Variants in ZAP70 observed in about 807,000 individuals in gnomAD.
ZAP70 encodes tyrosine-protein kinase ZAP-70.
A neutral mutation model predicts 65.8 loss-of-function variants in ZAP70; 27 were observed. The observed-to-expected ratio is 0.41, with a 90% CI of 0.30 to 0.57. The LOEUF is 0.57. Ranked by LOEUF, ZAP70 falls within the 20% of genes least tolerant of loss-of-function variation. The pLI is 0.28. For synonymous variants in ZAP70, 363 were observed against 360.8 expected (o/e 1.01, Z -0.07); for missense variants, 696 against 870.5 (o/e 0.80, Z 2.52).
At chr2:97,718,282 C>T (rs534120539) in intron 2 of ZAP70, among the ~76,000 whole-genome samples, 7 of 152,146 alleles carry the variant, frequency 4.6e-5, no homozygotes, top group Admixed American at 6.5e-5. Context: ...GGGGTCACCC[C>T]GGGGAGCTCT....
intron 13 of ZAP70, among the ~76,000 whole-genome samples, chr2:97,738,905 C>T (rs1410310277): frequency 2.0e-5 from 3 of 152,246 alleles, no homozygotes; most frequent in African/African-American, 4.8e-5. Flanking sequence ...TGCACAGTAC[C>T]GTTAATACTG....
rs200706800 is a variant in ZAP70, at chr2:97,713,691, G to A, written c.-101+17G>A. On this transcript the variant is annotated intron_variant, in intron 1 of 13. Transcript: ENST00000264972. ...GGCATTCAGGTAAGCGGCTGTCCTC[G>A]GGCCTTCTGCCTGTGTCCTGCCACC... 1 of 152,376 alleles carries A rather than the reference G, an allele frequency of 6.6e-6. No homozygotes were observed. Among genetic ancestry groups the A allele is most frequent in the Non-Finnish European group, 1.5e-5 (1 of 68,180 alleles). 9.4% of individuals were successfully genotyped at this position (152,376 alleles called of 1,614,324 possible).
chr2:97,733,541 T>C lies in ZAP70; in HGVS notation c.838-3T>C. On this transcript the variant is annotated splice_polypyrimidine_tract_variant and splice_region_variant and intron_variant, in intron 7 of 13. Coordinates refer to ENST00000264972, the MANE Select transcript of ZAP70 (RefSeq NM_001079.4). ...CAGGCCTTGCTGACCCTGTGGCCTT[T>C]AGCCTCAGAGACGAATCGACACCCT... is the stretch of plus-strand genomic sequence containing the variant. 6.2e-7 allele frequency: 1 copy of C among 1,613,618 alleles called. No homozygotes were observed. The highest frequency in any genetic ancestry group is 8.5e-7 in the Non-Finnish European group (1 of 1,179,946).
chr2:97,732,715 C>A, intron 4 of ZAP70, 168 bp from the exon 5 acceptor site: 1 of 948,464 alleles, frequency 1.1e-6, no homozygotes, highest in Non-Finnish European at 1.6e-6. Flanking sequence ...GGCCCATCAT[C>A]AGCAGATCTG....
chr2:97,755,817 G>C, the ZAP70 span, among the ~76,000 whole-genome samples: 1 of 152,192 alleles, frequency 6.6e-6, no homozygotes, highest in Admixed American at 6.5e-5. Flanking sequence ...GCTGGTAAAG[G>C]TTGGCCAGTG....
At chr2:97,755,472 C>T in the ZAP70 span, among the ~76,000 whole-genome samples, 3 of 152,176 alleles carry the variant, frequency 2.0e-5, no homozygotes, top group Non-Finnish European at 4.4e-5. Flanking sequence ...TGCTTTCCAT[C>T]CAGCCTGGCT....
At chr2:97,739,033 G>GAGCATC (rs1463127812) in intron 13 of ZAP70, among the ~76,000 whole-genome samples, 1 of 152,122 alleles carries the variant, frequency 6.6e-6, no homozygotes, top group Non-Finnish European at 1.5e-5. Flanking sequence ...TGCATGCACA[G>GAGCATC]AGCATCAGCT....
intron 2 of ZAP70, among the ~76,000 whole-genome samples, chr2:97,720,540 C>T (rs764897819): frequency 5.3e-5 from 8 of 152,122 alleles, no homozygotes; most frequent in Non-Finnish European, 7.4e-5. Flanking sequence ...TTAATGGAGA[C>T]GGGGTTTCAC....
At chr2:97,741,431 G>C (rs1020491407), downstream of ZAP70, among the ~76,000 whole-genome samples, 6 of 151,706 alleles carry the variant, frequency 4.0e-5, no homozygotes, top group South Asian at 1.3e-3. Flanking sequence ...AAAGCTCCCC[G>C]TCCCCCGGGG....
At chr2:97,734,237 A>G (rs1677745414) in intron 8 of ZAP70, 1 of 763,218 alleles carries the variant, frequency 1.3e-6, no homozygotes, top group Non-Finnish European at 1.9e-6. Flanking sequence ...GAATGCACAC[A>G]CATGCACACC....
downstream of ZAP70, among the ~76,000 whole-genome samples, chr2:97,742,242 C>T (rs563388013): frequency 1.1e-3 from 172 of 152,352 alleles, 1 homozygote; most frequent in African/African-American, 3.9e-3. Context: ...ACCAGGTCCA[C>T]GGCTTCCTAG....
chr2:97,721,721 G>A (rs948766023), intron 2 of ZAP70, among the ~76,000 whole-genome samples: 11 of 147,492 alleles, frequency 7.5e-5, no homozygotes, highest in East Asian at 6.2e-4. Flanking sequence ...GTGAGCCACC[G>A]CAGCCGGCCA....
In ZAP70 at chr2:97,736,797, C is replaced by T. The variant is rs1454827521; in HGVS notation, c.1290-676C>T. On this transcript the variant is annotated intron_variant, in intron 10 of 13. Coordinates refer to ENST00000264972, the MANE Select transcript of ZAP70 (RefSeq NM_001079.4). This position sits in a 1 kb window ranked among gnomAD's most constrained non-coding sequence, Gnocchi z 4.0. Reference sequence around the variant, plus strand: ...TGCGGGCAGGGAGGGGATGAGCAGACCGTGCCAGGCCTTGCGGGCTGCCAG... The same window carrying T: ...TGCGGGCAGGGAGGGGATGAGCAGATCGTGCCAGGCCTTGCGGGCTGCCAG... Among the ~76,000 whole-genome samples, 2 of 152,078 alleles carry T rather than the reference C, an allele frequency of 1.3e-5. No homozygotes were observed. Among genetic ancestry groups the T allele is most frequent in the Non-Finnish European group, 2.9e-5 (2 of 68,012 alleles).
rs1677833698 is a variant in ZAP70 at position 97,735,469 on chromosome 2, TGGGCCCGGCCATCGGGTGGGTGGGGCCG to T, written c.1289+20_1289+47del. Reference sequence around the variant, plus strand: ...TGGTCGGCAAGAGGTGAGCACCGGGTGGGCCCGGCCATCGGGTGGGTGGGGCCGGGGCCCATCCTGGGCATGGTGGACA... The same window carrying T: ...TGGTCGGCAAGAGGTGAGCACCGGGTGGGCCCATCCTGGGCATGGTGGACA... On this transcript the variant is annotated intron_variant, in intron 10 of 13. Coordinates refer to ENST00000264972, the MANE Select transcript of ZAP70 (RefSeq NM_001079.4). The T allele has an allele frequency of 6.3e-7, 1 of 1,589,746 alleles. No homozygotes were observed. Among genetic ancestry groups the T allele is most frequent in the African/African-American group, 1.4e-5 (1 of 73,226 alleles).
chr2:97,714,341 T>A (rs530837922), intron 2 of ZAP70, among the ~76,000 whole-genome samples: 2 of 152,258 alleles, frequency 1.3e-5, no homozygotes, highest in Non-Finnish European at 2.9e-5. Context: ...TCTGTGAAGA[T>A]GAGGGGGCTG....
downstream of ZAP70, among the ~76,000 whole-genome samples, chr2:97,742,538 C>T (rs1017879568): frequency 1.8e-4 from 28 of 152,372 alleles, no homozygotes; most frequent in Admixed American, 1.7e-3. Flanking sequence ...GAATCAGTTT[C>T]CTGTTCTGCT....
chr2:97,719,564 C>T (rs1355630844), intron 2 of ZAP70, among the ~76,000 whole-genome samples: 4 of 145,094 alleles, frequency 2.8e-5, no homozygotes, highest in South Asian at 2.2e-4. Context: ...GGGGGGGGGG[C>T]GCAGACCAGG....
In ZAP70 at chr2:97,731,995, A is replaced by T. The variant is rs988566779; in HGVS notation, c.564-888A>T. ...CCCAGACAAAACTGTTGTGTGGGGG[A>T]TGCTGACTGGTGTCACTGTGGGGCT... On this transcript the variant is annotated intron_variant, in intron 4 of 13. Transcript: ENST00000264972. This position sits in a 1 kb window ranked among gnomAD's most constrained non-coding sequence, Gnocchi z 4.0. Among the ~76,000 whole-genome samples, 2 of 152,016 alleles carry T rather than the reference A, an allele frequency of 1.3e-5. No individual in the cohort carries two copies. The highest frequency in any genetic ancestry group is 2.9e-5 in the Non-Finnish European group (2 of 68,010).
At chr2:97,744,494 T>A (rs1404281274), downstream of ZAP70, among the ~76,000 whole-genome samples, 2 of 152,190 alleles carry the variant, frequency 1.3e-5, no homozygotes, top group Non-Finnish European at 2.9e-5. Flanking sequence ...TTCTGAGTAG[T>A]GATGTGAAGT....
Sources: allele counts gnomAD v4.1 joint callset (sites outside exome capture counted in the v4.1 genomes callset), GRCh38; gene constraint gnomAD v4.1.1; non-coding constraint Gnocchi (gnomAD v3.1); transcripts MANE v1.5; gene names NCBI Gene and HGNC (gene_info 2026-07-23, HGNC 2026-07-21).